ESRRG: variants seen among roughly 807,000 people sequenced by gnomAD.
ESRRG encodes estrogen related receptor gamma, also known as estrogen-related receptor gamma.
ESRRG carries 13 observed loss-of-function variants against 44.0 expected under a neutral mutation model. The observed-to-expected ratio is 0.30, with a 90% confidence interval of 0.19 to 0.47. The LOEUF is 0.47. Ranked by LOEUF, ESRRG falls within the 20% of genes least tolerant of loss-of-function variation. ESRRG has a pLI of 1.00. For synonymous variants in ESRRG, 215 were observed against 214.6 expected, an observed-to-expected ratio of 1.00 and a Z score of -0.02; for missense variants, 395 against 580.6, an observed-to-expected ratio of 0.68 and a Z score of 3.29.
At chr1:217,044,422 G>T (rs532069421) in intron 1 of ESRRG, among the ~76,000 whole-genome samples, 3 of 152,264 alleles carry the variant, frequency 2.0e-5, no homozygotes, top group African/African-American at 7.2e-5. Context: ...GTATCCCATT[G>T]CAAGTTTCTT....
At chr1:217,102,771 T>C (rs147639662) in intron 1 of ESRRG, among the ~76,000 whole-genome samples, 4 of 152,290 alleles carry the variant, frequency 2.6e-5, no homozygotes, top group East Asian at 3.9e-4. Context: ...TCTTACTCTT[T>C]GGGAGACACT....
chr1:217,005,157 T>A (rs570683938), intron 1 of ESRRG, among the ~76,000 whole-genome samples: 2 of 152,326 alleles, frequency 1.3e-5, no homozygotes, highest in South Asian at 4.1e-4. Flanking sequence ...TGATTTTATG[T>A]CTTATTTTCA....
chr1:216,796,380 C>G lies in ESRRG; in HGVS notation c.-13-118889G>C, dbSNP rs146678225. Among the ~76,000 whole-genome samples the G allele has an allele frequency of 1.1e-3, 166 of 152,188 alleles. 1 individual carries two copies. Among genetic ancestry groups the G allele is most frequent in the Middle Eastern group, 0.01 (3 of 292 alleles). ...TTCTAGAGAAAAGGCACAGAGACAC[C>G]GATATTTTGGGATGCCCTCAATAGC... On this transcript the variant is annotated intron_variant, in intron 2 of 7. Coordinates refer to the ESRRG transcript ENST00000359162.
intron 2 of ESRRG, among the ~76,000 whole-genome samples, chr1:216,854,208 T>A (rs2095883521): frequency 6.6e-6 from 1 of 151,536 alleles, no homozygotes; most frequent in Non-Finnish European, 1.5e-5. Context: ...AATACAAAAA[T>A]TAGCTGGCTG....
intron 1 of ESRRG, among the ~76,000 whole-genome samples, chr1:216,965,725 C>T (rs2070186981): frequency 6.6e-6 from 1 of 152,172 alleles, no homozygotes; most frequent in Non-Finnish European, 1.5e-5. Context: ...GGCATCCATA[C>T]AGGTGTGCAC....
intron 1 of ESRRG, among the ~76,000 whole-genome samples, chr1:217,015,101 T>C (rs368169321): frequency 1.3e-5 from 2 of 152,280 alleles, no homozygotes; most frequent in African/African-American, 4.8e-5. Flanking sequence ...TCCAATCATC[T>C]CTTTTCTTGA....
intron 3 of ESRRG, among the ~76,000 whole-genome samples, chr1:216,588,336 A>T (rs1026469101): frequency 1.3e-5 from 2 of 152,158 alleles, no homozygotes; most frequent in Non-Finnish European, 2.9e-5. Context: ...ATTTGCAAAG[A>T]TCTGAGGGTT....
chr1:217,066,705 G>T (rs187372903), intron 1 of ESRRG, among the ~76,000 whole-genome samples: 2 of 152,080 alleles, frequency 1.3e-5, no homozygotes, highest in Non-Finnish European at 1.5e-5. Context: ...TTTGCTGTGT[G>T]GGGGGATGCC....
intron 5 of ESRRG, among the ~76,000 whole-genome samples, chr1:216,530,994 T>C (rs2049207171): frequency 6.6e-6 from 1 of 152,066 alleles, no homozygotes; most frequent in African/African-American, 2.4e-5. Flanking sequence ...TAACTCAGTG[T>C]CTTTAACATA....
At chr1:216,737,147 A>G (rs931155076) in intron 2 of ESRRG, among the ~76,000 whole-genome samples, 1 of 152,152 alleles carries the variant, frequency 6.6e-6, no homozygotes, top group Non-Finnish European at 1.5e-5. Flanking sequence ...AAAAACTCTA[A>G]ATTCAGTTCT....
At chr1:217,089,147 C>T (rs1363980066) in intron 1 of ESRRG, among the ~76,000 whole-genome samples, 1 of 152,058 alleles carries the variant, frequency 6.6e-6, no homozygotes, top group Non-Finnish European at 1.5e-5. Flanking sequence ...CCCCTCCCAG[C>T]GCCCTAACTC....
intron 2 of ESRRG, among the ~76,000 whole-genome samples, chr1:216,872,010 C>G (rs945600893): frequency 1.6e-4 from 24 of 152,020 alleles, no homozygotes; most frequent in African/African-American, 4.8e-4. Context: ...AACAAATTCC[C>G]TTAATTCTCC....
chr1:216,597,958 T>C (rs1346838948), intron 3 of ESRRG, among the ~76,000 whole-genome samples: 1 of 152,196 alleles, frequency 6.6e-6, no homozygotes, highest in Admixed American at 6.5e-5. Flanking sequence ...ACATACAATA[T>C]TCCACAGTAT....
chr1:216,613,149 G>A (rs1367591286), intron 3 of ESRRG, among the ~76,000 whole-genome samples: 3 of 152,176 alleles, frequency 2.0e-5, no homozygotes, highest in Non-Finnish European at 4.4e-5. Context: ...AATTTTTCCA[G>A]AAATGGATTC....
At chr1:216,613,928 C>T (rs1016369901) in intron 3 of ESRRG, among the ~76,000 whole-genome samples, 10 of 152,144 alleles carry the variant, frequency 6.6e-5, no homozygotes, top group African/African-American at 2.4e-4. Flanking sequence ...CCATTTTCCC[C>T]GCTTTGTCCT....
In ESRRG at chr1:216,787,591, G is replaced by A. The variant is rs976722767; in HGVS notation, c.-13-110100C>T. ...CACTCCAGCCTGGGTGACAGAGCAAGACTCCATCAAAAAAAAAAAAAAAAA... is the reference window on the plus strand; with the variant it reads ...CACTCCAGCCTGGGTGACAGAGCAAAACTCCATCAAAAAAAAAAAAAAAAA... On this transcript the variant is annotated intron_variant, in intron 2 of 7. Transcript: ENST00000359162. Among the ~76,000 whole-genome samples, 206 of 96,714 alleles carry A rather than the reference G, an allele frequency of 2.1e-3. 2 individuals are homozygous for A. The highest frequency in any genetic ancestry group is 8.8e-3 in the African/African-American group (195 of 22,166). 63.4% of individuals were successfully genotyped at this position (96,714 alleles called of 152,430 possible).
chr1:216,557,375 G>A (rs1422525250), intron 5 of ESRRG, among the ~76,000 whole-genome samples: 1 of 152,160 alleles, frequency 6.6e-6, no homozygotes, highest in African/African-American at 2.4e-5. Context: ...CAACAGAAAA[G>A]CAGACAAGGA....
chr1:216,552,965 G>A (rs545087563), intron 5 of ESRRG, among the ~76,000 whole-genome samples: 7 of 152,182 alleles, frequency 4.6e-5, no homozygotes, highest in East Asian at 1.9e-4. Flanking sequence ...ATGTTTTTCC[G>A]CAAAAGATGA....
intron 2 of ESRRG, among the ~76,000 whole-genome samples, chr1:216,674,935 C>A: frequency 6.7e-6 from 1 of 148,398 alleles, no homozygotes; most frequent in Admixed American, 6.7e-5. Flanking sequence ...TGATTGTGTT[C>A]TCATCAGCCA....
Sources: allele counts gnomAD v4.1 joint callset (sites outside exome capture counted in the v4.1 genomes callset), GRCh38; gene constraint gnomAD v4.1.1; transcripts MANE v1.5; gene names NCBI Gene and HGNC (gene_info 2026-07-23, HGNC 2026-07-21).